Variants in LDLRAD4 observed in about 807,000 individuals in gnomAD.
LDLRAD4 encodes the protein low density lipoprotein receptor class A domain containing 4, also known as low-density lipoprotein receptor class A domain-containing protein 4.
Under a neutral mutation model 17.0 loss-of-function variants are expected in LDLRAD4, and 5 were observed. The ratio of observed to expected loss-of-function variants is 0.29; its 90% CI spans 0.15 to 0.62. The LOEUF (loss-of-function observed/expected upper bound fraction) is 0.62. Ranked by LOEUF, LDLRAD4 falls within the 20% of genes least tolerant of loss-of-function variation. LDLRAD4 has a pLI of 0.84. For missense variants in LDLRAD4, 340 were observed against 424.7 expected (o/e 0.80, Z 1.75); for synonymous variants, 168 against 171.8 (o/e 0.98, Z 0.17).
intron 3 of LDLRAD4, among the ~76,000 whole-genome samples, chr18:13,474,668 G>A (rs968606295): frequency 3.9e-5 from 6 of 152,230 alleles, no homozygotes; most frequent in African/African-American, 1.4e-4. Context: ...GGGGCCACAG[G>A]TGCAGATCAT....
chr18:13,250,523 A>G (rs1322098712), intron 1 of LDLRAD4, among the ~76,000 whole-genome samples: 2 of 152,202 alleles, frequency 1.3e-5, no homozygotes, highest in Admixed American at 1.3e-4. Flanking sequence ...TACCCAAATA[A>G]ATAAAATCAG....
At chr18:13,305,663 G>A (rs2046869968) in intron 1 of LDLRAD4, among the ~76,000 whole-genome samples, 1 of 152,178 alleles carries the variant, frequency 6.6e-6, no homozygotes. Flanking sequence ...TGCTCGATTT[G>A]TGCTGTAGAT....
intron 3 of LDLRAD4, among the ~76,000 whole-genome samples, chr18:13,493,154 T>A (rs1043862979): frequency 6.6e-6 from 1 of 152,176 alleles, no homozygotes; most frequent in African/African-American, 2.4e-5. Flanking sequence ...ATCCTTTATC[T>A]TCTAAACACC....
At chr18:13,443,835 C>T (rs2091204401) in intron 3 of LDLRAD4, among the ~76,000 whole-genome samples, 1 of 152,172 alleles carries the variant, frequency 6.6e-6, no homozygotes, top group South Asian at 2.1e-4. Context: ...GAACGTGCTT[C>T]TCTGTCCCAC....
At chr18:13,233,783 C>T (rs969851510) in intron 1 of LDLRAD4, among the ~76,000 whole-genome samples, 2 of 152,030 alleles carry the variant, frequency 1.3e-5, no homozygotes, top group African/African-American at 4.8e-5. Context: ...CCCAGAACTC[C>T]AAACCCTAGG....
At chr18:13,221,224 G>T (rs2041435282) in intron 1 of LDLRAD4, among the ~76,000 whole-genome samples, 1 of 152,182 alleles carries the variant, frequency 6.6e-6, no homozygotes, top group Non-Finnish European at 1.5e-5. Context: ...AGAATGTATA[G>T]CGGCACATGG....
intron 3 of LDLRAD4, among the ~76,000 whole-genome samples, chr18:13,555,706 G>A (rs1231394314): frequency 6.6e-6 from 1 of 152,210 alleles, no homozygotes; most frequent in East Asian, 1.9e-4. Context: ...ATTAAGTAAA[G>A]CCAGGTGTGT....
At chr18:13,415,210 T>C (rs2088763922) in intron 2 of LDLRAD4, among the ~76,000 whole-genome samples, 2 of 152,184 alleles carry the variant, frequency 1.3e-5, no homozygotes, top group South Asian at 2.1e-4. Flanking sequence ...CTTATTCCTC[T>C]TGAGTTTCCT....
At chr18:13,391,687 A>T in intron 2 of LDLRAD4, among the ~76,000 whole-genome samples, 1 of 152,216 alleles carries the variant, frequency 6.6e-6, no homozygotes, top group East Asian at 1.9e-4. Flanking sequence ...CAAAAGAAAA[A>T]TAATTTCCTA....
At chr18:13,403,723 G>A (rs1177942758) in intron 2 of LDLRAD4, among the ~76,000 whole-genome samples, 5 of 152,306 alleles carry the variant, frequency 3.3e-5, no homozygotes, top group East Asian at 1.9e-4. Context: ...TAAAATCCTC[G>A]TGGGACTGCG....
At chr18:13,266,773 C>A (rs1230259715) in intron 1 of LDLRAD4, among the ~76,000 whole-genome samples, 1 of 152,252 alleles carries the variant, frequency 6.6e-6, no homozygotes, top group Non-Finnish European at 1.5e-5. Context: ...CCCCACACTA[C>A]CCTTGGAGCT....
At chr18:13,506,497 G>A (rs1700660190) in intron 3 of LDLRAD4, among the ~76,000 whole-genome samples, 2 of 151,702 alleles carry the variant, frequency 1.3e-5, no homozygotes, top group South Asian at 4.2e-4. Flanking sequence ...TTGATGACCC[G>A]TTTTTATAAA....
At position 13,456,464 on chromosome 18, in the gene LDLRAD4, T is replaced by G. The variant is rs963610965; in HGVS notation, c.181+18080T>G. Among the ~76,000 whole-genome samples, 4 of 152,332 alleles carry G rather than the reference T, an allele frequency of 2.6e-5. No individual in the cohort carries two copies. The South Asian group carries it at 8.3e-4, about 32-fold the overall frequency. Reference sequence around the variant, plus strand: ...CTCCACGCCTCAGTGGCCAGTTGCCTTTCCTTTCTTTCTCTTTCTATGATG... The same window carrying G: ...CTCCACGCCTCAGTGGCCAGTTGCCGTTCCTTTCTTTCTCTTTCTATGATG... On this transcript the variant is annotated intron_variant, in intron 3 of 5. Coordinates refer to ENST00000359446, the Ensembl canonical transcript of LDLRAD4.
At chr18:13,642,018 C>A in intron 4 of LDLRAD4, 1 of 985,430 alleles carries the variant, frequency 1.0e-6, no homozygotes, top group Non-Finnish European at 1.2e-6. Flanking sequence ...CCGCTTCCGC[C>A]CCGCTGGCGC....
intron 3 of LDLRAD4, among the ~76,000 whole-genome samples, chr18:13,499,278 G>A (rs146445867): frequency 7.2e-4 from 95 of 132,350 alleles, no homozygotes; most frequent in East Asian, 1.7e-3. Flanking sequence ...CGCCACACAC[G>A]TCCTTTCGTG....
intron 1 of LDLRAD4, among the ~76,000 whole-genome samples, chr18:13,344,094 C>T (rs1387889246): frequency 6.6e-6 from 1 of 152,124 alleles, no homozygotes; most frequent in Non-Finnish European, 1.5e-5. Flanking sequence ...TAATTAGATC[C>T]CATTTGTCAA....
chr18:13,342,909 T>G (rs2082457326), intron 1 of LDLRAD4, among the ~76,000 whole-genome samples: 1 of 152,064 alleles, frequency 6.6e-6, no homozygotes, highest in African/African-American at 2.4e-5. Context: ...CTGTTTTTCT[T>G]ATAGCTTTTT....
rs111369258 is a variant in LDLRAD4 at position 13,255,713 on chromosome 18, G to A, written c.-466-22392G>A. Reference sequence around the variant, plus strand: ...AGGGTGCCATAGGGGCTGTTGCAGCGTTGAGGCCCTAGGGACGGCTCCCCA... The same window carrying A: ...AGGGTGCCATAGGGGCTGTTGCAGCATTGAGGCCCTAGGGACGGCTCCCCA... On this transcript the variant is annotated intron_variant, in intron 1 of 5. Coordinates refer to the LDLRAD4 transcript ENST00000399848. Among the ~76,000 whole-genome samples the A allele has an allele frequency of 3.8e-3, 586 of 152,238 alleles. 5 individuals are homozygous for A. Among genetic ancestry groups the A allele is most frequent in the African/African-American group, 0.013 (532 of 41,528 alleles).
At chr18:13,363,113 G>A (rs1366283462) in intron 1 of LDLRAD4, among the ~76,000 whole-genome samples, 6 of 152,142 alleles carry the variant, frequency 3.9e-5, no homozygotes, top group African/African-American at 1.4e-4. Context: ...GGCGGATCAC[G>A]AGGTCAGCAG....
Sources: gnomAD v4.1 joint callset for allele counts (sites outside exome capture counted in the v4.1 genomes callset) on GRCh38, gnomAD v4.1.1 for gene constraint, MANE v1.5 for transcripts, NCBI Gene and HGNC (gene_info 2026-07-23, HGNC 2026-07-21) for gene names.